The following KPNA6 variants were observed in gnomAD, a reference collection of about 807,000 sequenced individuals.
KPNA6 encodes the protein karyopherin subunit alpha 6, also known as importin subunit alpha-7.
KPNA6 carries 9 observed loss-of-function variants against 72.0 expected under a neutral mutation model. That is an observed-to-expected ratio of 0.13 (90% confidence interval 0.08 to 0.22). The LOEUF is 0.22. KPNA6 is among the 10% of genes least tolerant of loss of function. The probability of loss-of-function intolerance (pLI) is 1.00; values close to 1 mark genes in which losing one functional copy is unlikely to be tolerated. For synonymous variants in KPNA6, 219 were observed against 242.1 expected (o/e 0.90, Z 0.89); for missense variants, 374 against 655.7 (o/e 0.57, Z 4.69).
At position 32,131,186 on chromosome 1, in the gene KPNA6, C is replaced by T. The variant is rs1021292804; in HGVS notation, c.4+23052C>T. Reference sequence around the variant, plus strand: ...GCGGGCGTCTGTAATCCCAGCTACTCGGGAGGCCGAGGCAGGAGAATCACT... The same window carrying T: ...GCGGGCGTCTGTAATCCCAGCTACTTGGGAGGCCGAGGCAGGAGAATCACT... On this transcript the variant is annotated intron_variant, in intron 1 of 13. Coordinates refer to ENST00000373625, the MANE Select transcript of KPNA6 (RefSeq NM_012316.5). Among the ~76,000 whole-genome samples the T allele has an allele frequency of 4.6e-5, 7 of 152,044 alleles. No homozygotes were observed. In the East Asian group the frequency reaches 5.8e-4, roughly 13 times the overall value.
At position 32,124,202 on chromosome 1, in the gene KPNA6, G is replaced by A. The variant is rs1029955704; in HGVS notation, c.4+16068G>A. ...GGCCTGAGCAACATGATCAAACCCC[G>A]TGTCTACAGAAAATACAGTAATTAG... On this transcript the variant is annotated intron_variant, in intron 1 of 13. Transcript: ENST00000373625. 7.2e-5 allele frequency among the ~76,000 whole-genome samples: 11 copies of A among 151,922 alleles called. No individual in the cohort carries two copies. The East Asian group carries it at 1.9e-3, about 27-fold the overall frequency.
chr1:32,114,363 C>T (rs1458721819), intron 1 of KPNA6, among the ~76,000 whole-genome samples: 1 of 151,278 alleles, frequency 6.6e-6, no homozygotes, highest in Non-Finnish European at 1.5e-5. Context: ...ATTGTTTGAA[C>T]CTGGGAGGTG....
chr1:32,159,876 T>A (rs1642206007), intron 6 of KPNA6, among the ~76,000 whole-genome samples: 1 of 152,200 alleles, frequency 6.6e-6, no homozygotes, highest in South Asian at 2.1e-4. Flanking sequence ...ACAGTACCCA[T>A]ATCTGAGTAC....
At position 32,142,463 on chromosome 1, in the gene KPNA6, G is replaced by C. The variant is rs114574931; in HGVS notation, c.5-12125G>C. Among the ~76,000 whole-genome samples, 392 of 152,064 alleles carry C rather than the reference G, an allele frequency of 2.6e-3. 1 individual carries two copies. The highest frequency in any genetic ancestry group is 9.2e-3 in the African/African-American group (383 of 41,480). ...AAGGACTCTATCTTCAAATATAGAC[G>C]CGTTTTGAGGTATTGGGGTTTAGGA... is the stretch of plus-strand genomic sequence containing the variant. On this transcript the variant is annotated intron_variant, in intron 1 of 13. Coordinates refer to ENST00000373625, the MANE Select transcript of KPNA6 (RefSeq NM_012316.5).
rs574627167 is a variant in KPNA6, at chr1:32,120,724, A to T, written c.4+12590A>T. Among the ~76,000 whole-genome samples, 32 of 143,994 alleles carry T rather than the reference A, an allele frequency of 2.2e-4. No individual in the cohort carries two copies. In the East Asian group the frequency reaches 6.2e-3, roughly 28 times the overall value. 94.5% of individuals were successfully genotyped at this position (143,994 alleles called of 152,430 possible). On this transcript the variant is annotated intron_variant, in intron 1 of 13. Coordinates refer to ENST00000373625, the MANE Select transcript of KPNA6 (RefSeq NM_012316.5). Reference sequence around the variant, plus strand: ...TGGGATTACAGGCGCCTGCCATCACACTCGGTTAATTTTTTGTATCTTTAG... The same window carrying T: ...TGGGATTACAGGCGCCTGCCATCACTCTCGGTTAATTTTTTGTATCTTTAG...
At chr1:32,156,163 C>T (rs558776504) in intron 2 of KPNA6, among the ~76,000 whole-genome samples, 9 of 151,568 alleles carry the variant, frequency 5.9e-5, no homozygotes, top group African/African-American at 1.2e-4. Context: ...AGTACAGTGG[C>T]GTGATCTTGG....
chr1:32,152,019 T>G (rs1400996239), intron 1 of KPNA6, among the ~76,000 whole-genome samples: 2 of 152,162 alleles, frequency 1.3e-5, no homozygotes, highest in Non-Finnish European at 2.9e-5. Flanking sequence ...ATTAGTGAAG[T>G]GAAACATTAA....
At chr1:32,144,813 G>A (rs1641902307) in intron 1 of KPNA6, among the ~76,000 whole-genome samples, 1 of 152,088 alleles carries the variant, frequency 6.6e-6, no homozygotes, top group South Asian at 2.1e-4. Flanking sequence ...ACCATGCCCA[G>A]CTAATTTTGT....
At chr1:32,134,804 A>G (rs1641704168) in intron 1 of KPNA6, among the ~76,000 whole-genome samples, 9 of 152,128 alleles carry the variant, frequency 5.9e-5, no homozygotes, top group Admixed American at 5.9e-4. Context: ...AGAAATAGAA[A>G]GTACCTTAGT....
chr1:32,119,697 G>A (rs971557900), intron 1 of KPNA6, among the ~76,000 whole-genome samples: 4 of 151,610 alleles, frequency 2.6e-5, no homozygotes, highest in African/African-American at 7.3e-5. Flanking sequence ...TGTTGATTTC[G>A]CATCCTTTCC....
intron 13 of KPNA6, among the ~76,000 whole-genome samples, chr1:32,170,419 C>A (rs1213582545): frequency 6.6e-6 from 1 of 152,192 alleles, no homozygotes; most frequent in African/African-American, 2.4e-5. Flanking sequence ...GCTGGATTAA[C>A]TCATCACTCA....
chr1:32,133,933 C>T (rs1209707230), intron 1 of KPNA6, among the ~76,000 whole-genome samples: 1 of 151,190 alleles, frequency 6.6e-6, no homozygotes, highest in East Asian at 1.9e-4. Context: ...CCAGCTACTG[C>T]GGAGGCTGAA....
rs1409007229 is a variant in KPNA6, at chr1:32,119,023, TATATA to T, written c.4+10890_4+10894del. On this transcript the variant is annotated intron_variant, in intron 1 of 13. Transcript: ENST00000373625. ...ATATATATATATATATATATATATATATATATATATTTTTTTTTTTTTTTTTGAGA... is the reference window on the plus strand; with the variant it reads ...ATATATATATATATATATATATATATTATATTTTTTTTTTTTTTTTTGAGA... Among the ~76,000 whole-genome samples the T allele has an allele frequency of 4.7e-3, 402 of 85,510 alleles. 11 individuals carry two copies. The highest frequency in any genetic ancestry group is 0.024 in the African/African-American group (380 of 15,560). The allele number at this position is 85,510 out of a possible 152,430, so 56.1% of individuals were successfully genotyped here.
In KPNA6 at chr1:32,171,921, G is replaced by A. The variant is rs912328829; in HGVS notation, c.*1027G>A. 5.3e-5 allele frequency: 8 copies of A among 152,146 alleles called. No homozygotes were observed. The highest frequency in any genetic ancestry group is 1.4e-4 in the African/African-American group (6 of 41,424). The allele number at this position is 152,146 out of a possible 1,614,324, so 9.4% of individuals were successfully genotyped here. ...TGGTGACCTGTAAGTTGCAGAGGAG[G>A]GTGGAGTGAGAGTGTCATGTATTGG... On this transcript the variant is annotated 3_prime_UTR_variant, in exon 14 of 14. Transcript: ENST00000373625.
intron 1 of KPNA6, among the ~76,000 whole-genome samples, chr1:32,138,060 GGGA>G (rs1641769079): frequency 6.6e-6 from 1 of 151,650 alleles, no homozygotes; most frequent in African/African-American, 2.4e-5. Flanking sequence ...GCATCAACCC[GGGA>G]GGCAGAGGTT....
At chr1:32,130,355 T>C (rs1228885869) in intron 1 of KPNA6, among the ~76,000 whole-genome samples, 1 of 151,952 alleles carries the variant, frequency 6.6e-6, no homozygotes, top group Non-Finnish European at 1.5e-5. Context: ...ATTGTGATCA[T>C]TGCCTGCCTT....
intron 1 of KPNA6, among the ~76,000 whole-genome samples, chr1:32,141,375 C>CTTTTTTTTTTTTTTTTTTTTTTTTT (rs71006334): frequency 3.7e-5 from 2 of 54,454 alleles, no homozygotes; most frequent in East Asian, 3.6e-4. Context: ...TAAGTTAATC[C>CTTTTTTTTTTTTTTTTTTTTTTTTT]TTTTTTTTTT....
At chr1:32,155,706 AT>A (rs113385382) in intron 2 of KPNA6, among the ~76,000 whole-genome samples, 3 of 104,940 alleles carry the variant, frequency 2.9e-5, no homozygotes, top group East Asian at 3.6e-4. Flanking sequence ...GATTATTATT[AT>A]TTATTTATTT....
chr1:32,110,500 C>T (rs1360848365), intron 1 of KPNA6, among the ~76,000 whole-genome samples: 1 of 152,170 alleles, frequency 6.6e-6, no homozygotes, highest in Non-Finnish European at 1.5e-5. Context: ...ATATGGAAAG[C>T]ATCTAGCACA....
Sources: gnomAD v4.1 joint callset for allele counts (sites outside exome capture counted in the v4.1 genomes callset) on GRCh38, gnomAD v4.1.1 for gene constraint, MANE v1.5 for transcripts, NCBI Gene and HGNC (gene_info 2026-07-23, HGNC 2026-07-21) for gene names.